CBFA2T2: variants seen among roughly 807,000 people sequenced by gnomAD.
CBFA2T2 encodes protein CBFA2T2.
A neutral mutation model predicts 62.2 loss-of-function variants in CBFA2T2; 11 were observed. The observed-to-expected ratio is 0.18, with a 90% CI of 0.11 to 0.29. The LOEUF is 0.29. Ranked by LOEUF, CBFA2T2 falls within the 10% of genes least tolerant of loss-of-function variation. The pLI is 1.00. For missense variants in CBFA2T2, 592 were observed against 774.1 expected, an observed-to-expected ratio of 0.76 and a Z score of 2.79; for synonymous variants, 295 against 287.5, an observed-to-expected ratio of 1.03 and a Z score of -0.27.
chr20:33,564,326 G>A (rs945481730), intron 1 of CBFA2T2, among the ~76,000 whole-genome samples: 4 of 149,890 alleles, frequency 2.7e-5, no homozygotes, highest in Admixed American at 6.7e-5. Context: ...GCAGTGGCGC[G>A]GTCTCGGCTC....
chr20:33,619,771 G>T (rs1030575412), intron 4 of CBFA2T2, among the ~76,000 whole-genome samples, 165 bp downstream of exon 4: 1 of 152,216 alleles, frequency 6.6e-6, no homozygotes, highest in Non-Finnish European at 1.5e-5. Context: ...CAGGTTTAAT[G>T]AGATGAGAAT....
intron 1 of CBFA2T2, among the ~76,000 whole-genome samples, chr20:33,543,305 C>T (rs992926532): frequency 5.3e-5 from 8 of 152,034 alleles, no homozygotes; most frequent in South Asian, 2.1e-4. Flanking sequence ...CCACCGTGCC[C>T]GGCGAAAAAT....
intron 1 of CBFA2T2, among the ~76,000 whole-genome samples, chr20:33,538,130 A>G (rs905917507): frequency 6.6e-6 from 1 of 150,748 alleles, no homozygotes; most frequent in Non-Finnish European, 1.5e-5. Context: ...TATTTTAATT[A>G]ATGTTTCTCA....
chr20:33,512,131 C>G (rs568766617), intron 1 of CBFA2T2, among the ~76,000 whole-genome samples: 1 of 151,930 alleles, frequency 6.6e-6, no homozygotes, highest in African/African-American at 2.4e-5. Flanking sequence ...GAGCTGAGAT[C>G]TACGCCACTG....
intron 1 of CBFA2T2, among the ~76,000 whole-genome samples, chr20:33,537,174 C>T (rs1286614335): frequency 6.6e-6 from 1 of 152,250 alleles, no homozygotes; most frequent in Non-Finnish European, 1.5e-5. Flanking sequence ...CGAGATCACG[C>T]CACTGCATTC....
intron 1 of CBFA2T2, among the ~76,000 whole-genome samples, chr20:33,521,487 C>A (rs1333487964): frequency 6.6e-6 from 1 of 152,002 alleles, no homozygotes; most frequent in Non-Finnish European, 1.5e-5. Flanking sequence ...TTTTAGCATC[C>A]TATAGTTTAA....
intron 10 of CBFA2T2, among the ~76,000 whole-genome samples, chr20:33,642,552 G>A (rs969593907): frequency 1.3e-5 from 2 of 151,798 alleles, no homozygotes; most frequent in Non-Finnish European, 2.9e-5. Flanking sequence ...GCCTGACCAT[G>A]ATCGTAACAC....
chr20:33,630,687 A>G (rs2016415011), intron 8 of CBFA2T2, among the ~76,000 whole-genome samples: 1 of 152,230 alleles, frequency 6.6e-6, no homozygotes, highest in Non-Finnish European at 1.5e-5. Flanking sequence ...ATCCAAAGGC[A>G]TAGCTGAGTG....
chr20:33,624,732 G>C lies in CBFA2T2; in HGVS notation c.693-32G>C, dbSNP rs766213387. 14 of 1,609,052 alleles carry C rather than the reference G, an allele frequency of 8.7e-6. 2 individuals are homozygous for C. In the South Asian group the frequency reaches 1.5e-4, roughly 18 times the overall value. ...ATGTCTGCATGAACACTTGTTGACAGGATCAGATACGCACTTCTGCTTCTT... is the reference window on the plus strand; with the variant it reads ...ATGTCTGCATGAACACTTGTTGACACGATCAGATACGCACTTCTGCTTCTT... On this transcript the variant is annotated intron_variant, in intron 5 of 10. Coordinates refer to ENST00000342704, the MANE Select transcript of CBFA2T2 (RefSeq NM_001032999.3).
intron 1 of CBFA2T2, among the ~76,000 whole-genome samples, chr20:33,592,762 A>G (rs2014718066): frequency 6.6e-6 from 1 of 152,136 alleles, no homozygotes; most frequent in African/African-American, 2.4e-5. Flanking sequence ...AGATGGAGTT[A>G]TATGAATGGG....
chr20:33,579,259 G>T (rs1356016067), intron 1 of CBFA2T2, among the ~76,000 whole-genome samples: 1 of 151,390 alleles, frequency 6.6e-6, no homozygotes, highest in Non-Finnish European at 1.5e-5. Flanking sequence ...TTAGCGATGG[G>T]GTCTCACTGT....
intron 1 of CBFA2T2, among the ~76,000 whole-genome samples, chr20:33,534,692 A>G (rs982167097): frequency 2.4e-5 from 3 of 122,868 alleles, no homozygotes; most frequent in African/African-American, 9.3e-5. Context: ...TTACTTGTCT[A>G]TTTTCTTAAC....
At chr20:33,630,950 A>G (rs575147040) in intron 8 of CBFA2T2, among the ~76,000 whole-genome samples, 34 of 152,320 alleles carry the variant, frequency 2.2e-4, no homozygotes, top group African/African-American at 8.2e-4. Flanking sequence ...TACAACCATT[A>G]GGTGGAATAT....
chr20:33,520,778 A>G (rs1227749372), intron 1 of CBFA2T2, among the ~76,000 whole-genome samples: 1 of 152,108 alleles, frequency 6.6e-6, no homozygotes, highest in Non-Finnish European at 1.5e-5. Context: ...TCAAAAATGA[A>G]AAAAAGAAAT....
rs2014667432 is a variant in CBFA2T2, at chr20:33,592,000, G to A, written c.35-14956G>A. ...CATGTTGCTTCTGTTTTCATTGTCTGTCACCATGCCTAGGGCACAGCAAAC... is the reference window on the plus strand; with the variant it reads ...CATGTTGCTTCTGTTTTCATTGTCTATCACCATGCCTAGGGCACAGCAAAC... On this transcript the variant is annotated intron_variant, in intron 1 of 10. Coordinates refer to ENST00000342704, the MANE Select transcript of CBFA2T2 (RefSeq NM_001032999.3). Among the ~76,000 whole-genome samples the A allele has an allele frequency of 2.0e-5, 3 of 152,202 alleles. No individual in the cohort carries two copies. The South Asian group carries it at 6.2e-4, about 32-fold the overall frequency.
chr20:33,579,278 G>A (rs2013995749), intron 1 of CBFA2T2, among the ~76,000 whole-genome samples: 1 of 151,648 alleles, frequency 6.6e-6, no homozygotes, highest in Non-Finnish European at 1.5e-5. Flanking sequence ...GTATTGCCCA[G>A]GCTGGTCTCA....
At chr20:33,517,901 C>T (rs2146859156) in intron 1 of CBFA2T2, among the ~76,000 whole-genome samples, 1 of 152,028 alleles carries the variant, frequency 6.6e-6, no homozygotes, top group East Asian at 1.9e-4. Flanking sequence ...GCCTCGGCCT[C>T]CTAAAGTGCT....
At chr20:33,576,294 C>A (rs2013823318) in intron 1 of CBFA2T2, among the ~76,000 whole-genome samples, 1 of 152,080 alleles carries the variant, frequency 6.6e-6, no homozygotes, top group Admixed American at 6.6e-5. Context: ...TAGCAGAGGT[C>A]TCATCTTAAT....
chr20:33,636,499 T>A, intron 8 of CBFA2T2, 141 bp from the exon 9 acceptor site: 1 of 601,230 alleles, frequency 1.7e-6, no homozygotes, highest in South Asian at 2.1e-5. Context: ...ATAATCTGGT[T>A]TTTAGCCCTT....
Sources: gnomAD v4.1 joint callset for allele counts (sites outside exome capture counted in the v4.1 genomes callset) on GRCh38, gnomAD v4.1.1 for gene constraint, MANE v1.5 for transcripts, NCBI Gene and HGNC (gene_info 2026-07-23, HGNC 2026-07-21) for gene names.